Variants in ABHD3 observed in about 807,000 individuals in gnomAD.
ABHD3 encodes the protein phospholipase ABHD3.
In ABHD3, 46 loss-of-function variants were observed where a neutral mutation model predicts 48.8. That is an observed-to-expected ratio of 0.94 (90% CI 0.74 to 1.20). The LOEUF (loss-of-function observed/expected upper bound fraction) is 1.20. ABHD3 is among the 50% of genes most tolerant of loss of function. The probability of loss-of-function intolerance (pLI) is 0.00; values close to 1 mark genes in which losing one functional copy is unlikely to be tolerated. For synonymous variants in ABHD3, 192 were observed against 183.7 expected, an observed-to-expected ratio of 1.04 and a Z score of -0.36; for missense variants, 490 against 497.8, an observed-to-expected ratio of 0.98 and a Z score of 0.15.
intron 6 of ABHD3, 129 bp from the exon 7 acceptor site, chr18:21,657,281 T>A (rs1485261491): frequency 1.4e-6 from 1 of 713,750 alleles, no homozygotes; most frequent in East Asian, 2.7e-5. Context: ...AATATTTGCT[T>A]AATCAGGTAC....
rs1201036141 is a variant in ABHD3, at chr18:21,650,998, A to T, written c.*593T>A. On this transcript the variant is annotated 3_prime_UTR_variant, in exon 9 of 9. Coordinates refer to ENST00000289119, the MANE Select transcript of ABHD3 (RefSeq NM_138340.5). ...GTAAATTATAATCATTATAAAACAT[A>T]AGTTAGTCCTAATTTAATATTATCA... The T allele has an allele frequency of 6.6e-6, 1 of 152,168 alleles. No homozygotes were observed. Among genetic ancestry groups the T allele is most frequent in the African/African-American group, 2.4e-5 (1 of 41,452 alleles). The allele number at this position is 152,168 out of a possible 1,614,324, so 9.4% of individuals were successfully genotyped here. A position where few individuals can be genotyped will look rare whatever the true frequency, so the allele number is the denominator to read the frequency against.
chr18:21,693,274 T>C (rs2040293556), intron 3 of ABHD3, among the ~76,000 whole-genome samples: 1 of 152,174 alleles, frequency 6.6e-6, no homozygotes, highest in African/African-American at 2.4e-5. Context: ...TTATACACAT[T>C]ACACGCAATC....
intron 3 of ABHD3, among the ~76,000 whole-genome samples, chr18:21,700,642 C>T (rs1208511053): frequency 2.0e-5 from 3 of 147,420 alleles, no homozygotes; most frequent in African/African-American, 7.6e-5. Flanking sequence ...TCAAGTGATC[C>T]ACCTGCCTCG....
In ABHD3 at chr18:21,704,617, G is replaced by A. The variant is rs2146346812; in HGVS notation, c.49C>T (p.Leu17Phe). 1 of 1,553,158 alleles carries A rather than the reference G, an allele frequency of 6.4e-7. No individual in the cohort carries two copies. Among genetic ancestry groups the A allele is most frequent in the Non-Finnish European group, 8.7e-7 (1 of 1,152,246 alleles). ...DLRMLSRELS[L>F]YLEHQVRVGF... Reference sequence around the variant, plus strand: ...ACCCGGACTTGGTGTTCCAGGTAGAGGGAGAGCTCCCGGGACAACATCCGC... The same window carrying A: ...ACCCGGACTTGGTGTTCCAGGTAGAAGGAGAGCTCCCGGGACAACATCCGC... Residue 17 changes from leucine to phenylalanine, a missense_variant, in exon 1 of 9, where the codon CTC becomes TTC. Transcript: ENST00000289119.
rs77710637 is a variant in ABHD3 at position 21,686,612 on chromosome 18, G to A, written c.510-2647C>T. Among the ~76,000 whole-genome samples the A allele has an allele frequency of 3.2e-3, 491 of 152,282 alleles. 20 individuals are homozygous for A. The East Asian group carries it at 0.087, about 27-fold the overall frequency. ...GTTCTGGTAGCTCTTGCTAGAGGAC[G>A]AATTGTACTCACCACTCCATAAGGC... On this transcript the variant is annotated intron_variant, in intron 3 of 8. Transcript: ENST00000289119.
In ABHD3 at chr18:21,704,742, G is replaced by A; in HGVS notation, c.-77C>T. On this transcript the variant is annotated 5_prime_UTR_variant, in exon 1 of 9. Transcript: ENST00000289119. ...GAGCGGGCGAGAGCGGGCGAGAGCG[G>A]ACGCGGCGCCGCTGCCTACTCCCGA... 5 of 1,288,006 alleles carry A rather than the reference G, an allele frequency of 3.9e-6. No homozygotes were observed. Among genetic ancestry groups the A allele is most frequent in the Non-Finnish European group, 5.0e-6 (5 of 1,002,984 alleles). The allele number at this position is 1,288,006 out of a possible 1,614,324, so 79.8% of individuals were successfully genotyped here. A position where few individuals can be genotyped will look rare whatever the true frequency, so the allele number is the denominator to read the frequency against.
Position 21,702,318 on chromosome 18 carries a change from G to A in ABHD3, c.507C>T (p.Tyr169=), listed in dbSNP as rs1014801774. Residue 169 remains tyrosine, a splice_region_variant and synonymous_variant, in exon 3 of 9, where the codon TAC becomes TAT. Transcript: ENST00000289119. ...HMIHLSEELG[Y]RCVVFNNRGV... ...AAAAAGAAATCTTTTACTGGTACCTGTATCCTAATTCTTCACTAAGATGGA... is the reference window on the plus strand; with the variant it reads ...AAAAAGAAATCTTTTACTGGTACCTATATCCTAATTCTTCACTAAGATGGA... 1 of 1,581,348 alleles carries A rather than the reference G, an allele frequency of 6.3e-7. No individual in the cohort carries two copies.
At chr18:21,684,341 G>A (rs1325064682) in intron 3 of ABHD3, among the ~76,000 whole-genome samples, 1 of 119,600 alleles carries the variant, frequency 8.4e-6, no homozygotes, top group Non-Finnish European at 1.7e-5. Context: ...TTTTGAGATG[G>A]AGTCTCGCTC....
At chr18:21,659,104 G>A in intron 6 of ABHD3, 66 bp downstream of exon 6, 1 of 1,491,774 alleles carries the variant, frequency 6.7e-7, no homozygotes, top group Non-Finnish European at 9.1e-7. Context: ...CTCCCAAAGT[G>A]CTGGGATTAC....
chr18:21,687,413 GT>G (rs1454138701), intron 3 of ABHD3, among the ~76,000 whole-genome samples: 1 of 151,882 alleles, frequency 6.6e-6, no homozygotes, highest in Non-Finnish European at 1.5e-5. Flanking sequence ...GGGTTTCACC[GT>G]GTTAGCCAGG....
intron 5 of ABHD3, among the ~76,000 whole-genome samples, chr18:21,660,254 G>GA (rs2039461294): frequency 6.6e-6 from 1 of 150,660 alleles, no homozygotes; most frequent in Non-Finnish European, 1.5e-5. Flanking sequence ...CTTACCCTGA[G>GA]AGATTGTGAG....
intron 3 of ABHD3, among the ~76,000 whole-genome samples, chr18:21,690,475 G>A (rs2040222776): frequency 6.6e-6 from 1 of 151,622 alleles, no homozygotes; most frequent in Non-Finnish European, 1.5e-5. Context: ...GGTGGCAGGT[G>A]CCTGTAATCC....
At chr18:21,677,226 G>A (rs1291889415) in intron 4 of ABHD3, among the ~76,000 whole-genome samples, 4 of 151,974 alleles carry the variant, frequency 2.6e-5, no homozygotes, top group South Asian at 4.2e-4. Context: ...ACAGAGTCTC[G>A]CTCTGTTGCC....
intron 3 of ABHD3, among the ~76,000 whole-genome samples, chr18:21,694,726 GCT>G (rs1165810461): frequency 2.0e-5 from 3 of 152,028 alleles, no homozygotes; most frequent in Admixed American, 1.3e-4. Context: ...ATCCATTCCT[GCT>G]CTGTCTACTG....
At chr18:21,679,574 G>T (rs568344295) in intron 4 of ABHD3, among the ~76,000 whole-genome samples, 1 of 152,194 alleles carries the variant, frequency 6.6e-6, no homozygotes, top group Admixed American at 6.5e-5. Flanking sequence ...TGTCGCCCAG[G>T]CTGGAGTGCA....
At chr18:21,658,923 C>T (rs913932394) in intron 6 of ABHD3, among the ~76,000 whole-genome samples, 2 of 151,402 alleles carry the variant, frequency 1.3e-5, no homozygotes, top group African/African-American at 4.9e-5. Context: ...ACTGCAACCT[C>T]CGCCTCCTGG....
chr18:21,666,109 A>G (rs1035184976), intron 4 of ABHD3, among the ~76,000 whole-genome samples: 2 of 151,980 alleles, frequency 1.3e-5, no homozygotes, highest in Non-Finnish European at 2.9e-5. Flanking sequence ...TCAGCTCACT[A>G]GTACCCCTCT....
At chr18:21,676,138 G>A (rs1473406694) in intron 4 of ABHD3, among the ~76,000 whole-genome samples, 3 of 152,118 alleles carry the variant, frequency 2.0e-5, no homozygotes, top group Non-Finnish European at 4.4e-5. Context: ...TTCAACATAT[G>A]AATGCTGGGG....
chr18:21,702,769 T>C (rs1383597756), intron 2 of ABHD3, among the ~76,000 whole-genome samples: 1 of 152,164 alleles, frequency 6.6e-6, no homozygotes, highest in Non-Finnish European at 1.5e-5. Flanking sequence ...TACTTACTCA[T>C]TACTCCAAAA....
Sources: allele counts gnomAD v4.1 joint callset (sites outside exome capture counted in the v4.1 genomes callset), GRCh38; gene constraint gnomAD v4.1.1; transcripts MANE v1.5; gene names NCBI Gene and HGNC (gene_info 2026-07-23, HGNC 2026-07-21).